The following PTPRM variants were observed in gnomAD, a reference collection of about 807,000 sequenced individuals.
PTPRM encodes protein tyrosine phosphatase receptor type M.
PTPRM carries 47 observed loss-of-function variants against 186.7 expected under a neutral mutation model. The ratio of observed to expected loss-of-function variants is 0.25; its 90% CI spans 0.20 to 0.32. The LOEUF is 0.32. Ranked by LOEUF, PTPRM falls within the 10% of genes least tolerant of loss-of-function variation. The probability of loss-of-function intolerance (pLI) is 1.00; values close to 1 mark genes in which losing one functional copy is unlikely to be tolerated. For missense variants in PTPRM, 1,494 were observed against 1,865.0 expected (o/e 0.80, Z 3.66); for synonymous variants, 668 against 674.9 (o/e 0.99, Z 0.16).
chr18:7,796,934 G>A (rs1383465005), intron 2 of PTPRM, among the ~76,000 whole-genome samples: 1 of 152,144 alleles, frequency 6.6e-6, no homozygotes, highest in South Asian at 2.1e-4. Context: ...TTACCAAGGT[G>A]ACTGTGAACA....
intron 1 of PTPRM, among the ~76,000 whole-genome samples, chr18:7,704,045 G>T (rs990208517): frequency 6.6e-6 from 1 of 152,014 alleles, no homozygotes; most frequent in African/African-American, 2.4e-5. Flanking sequence ...GGTGAATAAG[G>T]TTTTTGATAT....
At chr18:8,362,832 T>C (rs1426547983) in intron 23 of PTPRM, among the ~76,000 whole-genome samples, 2 of 152,224 alleles carry the variant, frequency 1.3e-5, no homozygotes, top group Non-Finnish European at 2.9e-5. Context: ...ATAACAACTC[T>C]CTTAGCCCAT....
chr18:7,751,617 C>T (rs2041219833), intron 1 of PTPRM: 1 of 152,170 alleles, frequency 6.6e-6, no homozygotes, highest in African/African-American at 2.4e-5. Context: ...GGGTAGAAAA[C>T]ATATTCCCTC....
chr18:8,316,880 A>G (rs758129863), intron 21 of PTPRM, among the ~76,000 whole-genome samples: 13 of 152,128 alleles, frequency 8.5e-5, no homozygotes, highest in African/African-American at 2.4e-4. Context: ...GATACCTGGA[A>G]GAAGAGCATT....
intron 13 of PTPRM, among the ~76,000 whole-genome samples, chr18:8,126,027 A>ATATATATATATTTTTTT (rs57751538): frequency 2.0e-4 from 14 of 69,516 alleles, no homozygotes; most frequent in East Asian, 5.5e-4. Context: ...ATATATATAT[A>ATATATATATATTTTTTT]TTTTAAATCA....
intron 1 of PTPRM, among the ~76,000 whole-genome samples, chr18:7,647,116 C>T (rs2038584280): frequency 6.6e-6 from 1 of 152,052 alleles, no homozygotes; most frequent in South Asian, 2.1e-4. Context: ...TTCAGGGTAC[C>T]ATTTTCTTAT....
At chr18:7,857,798 C>T (rs1787219271) in intron 2 of PTPRM, among the ~76,000 whole-genome samples, 1 of 152,152 alleles carries the variant, frequency 6.6e-6, no homozygotes, top group South Asian at 2.1e-4. Flanking sequence ...GAACAAAGCC[C>T]TTGAATACAG....
chr18:8,392,421 G>A (rs759124573), intron 31 of PTPRM, among the ~76,000 whole-genome samples: 1 of 152,086 alleles, frequency 6.6e-6, no homozygotes. Context: ...TCAGGAGATT[G>A]AGACTATCCT....
rs748631407 is a variant in PTPRM, at chr18:7,926,627, A to G, written c.607A>G (p.Thr203Ala). Residue 203 changes from threonine to alanine, a missense_variant, in exon 5 of 33, where the codon ACC becomes GCC. Transcript: ENST00000580170. ...NVEVNAGQFA[T>A]FQCSAIGRTV... ...GGAAGTTAATGCTGGCCAGTTTGCTACCTTCCAGTGCAGTGCCATCGGCAG... is the reference window on the plus strand; with the variant it reads ...GGAAGTTAATGCTGGCCAGTTTGCTGCCTTCCAGTGCAGTGCCATCGGCAG... 3 of 1,613,828 alleles carry G rather than the reference A, an allele frequency of 1.9e-6. No homozygotes were observed. The highest frequency in any genetic ancestry group is 2.5e-6 in the Non-Finnish European group (3 of 1,179,992).
chr18:7,654,205 G>T (rs898772802), intron 1 of PTPRM, among the ~76,000 whole-genome samples: 4 of 152,126 alleles, frequency 2.6e-5, no homozygotes, highest in Admixed American at 2.0e-4. Context: ...CCTTAGAGAT[G>T]CTGGATATTA....
chr18:7,630,984 A>G (rs1941141), intron 1 of PTPRM, among the ~76,000 whole-genome samples: 62,135 of 152,076 alleles, frequency 0.41, 19,645 homozygotes, highest in African/African-American at 0.85. Flanking sequence ...GCCTGTGCCC[A>G]GGATCTGATT....
chr18:8,109,845 G>A (rs186124744), intron 11 of PTPRM, among the ~76,000 whole-genome samples: 1 of 152,136 alleles, frequency 6.6e-6, no homozygotes, highest in East Asian at 1.9e-4. Context: ...AGGTGTGGGG[G>A]GCACATAGAG....
chr18:8,301,993 G>A (rs1403730636), intron 20 of PTPRM, among the ~76,000 whole-genome samples: 1 of 152,216 alleles, frequency 6.6e-6, no homozygotes, highest in African/African-American at 2.4e-5. Flanking sequence ...GCGGGAGTGG[G>A]GTAGGGGCAG....
intron 1 of PTPRM, among the ~76,000 whole-genome samples, chr18:7,714,297 T>C (rs555837145): frequency 6.6e-6 from 1 of 152,128 alleles, no homozygotes; most frequent in Admixed American, 6.5e-5. Flanking sequence ...AAGGCAGAAA[T>C]AAATAAGTTC....
intron 11 of PTPRM, among the ~76,000 whole-genome samples, chr18:8,092,075 C>T (rs897788977): frequency 8.6e-5 from 13 of 151,488 alleles, no homozygotes; most frequent in African/African-American, 1.2e-4. Flanking sequence ...TTTTTTAATC[C>T]GTATTCATTG....
intron 5 of PTPRM, among the ~76,000 whole-genome samples, chr18:7,932,155 G>A (rs2051527358): frequency 6.6e-6 from 1 of 152,202 alleles, no homozygotes; most frequent in South Asian, 2.1e-4. Context: ...AGAAGACGGA[G>A]GTGGGGAGGA....
chr18:8,252,546 A>G lies in PTPRM; in HGVS notation c.2566+47A>G, dbSNP rs1727020352. 9 of 1,517,870 alleles carry G rather than the reference A, an allele frequency of 5.9e-6. No individual in the cohort carries two copies. In the Middle Eastern group the frequency reaches 1.2e-3, roughly 200 times the overall value. The allele number at this position is 1,517,870 out of a possible 1,614,324, so 94.0% of individuals were successfully genotyped here. On this transcript the variant is annotated intron_variant, in intron 18 of 32. Coordinates refer to ENST00000580170, the MANE Select transcript of PTPRM (RefSeq NM_001105244.2). ...ATGGAAGAGTTGTGGAGGGAGTGGGAGTGTGTGTCTTACTGGTAGATTCTG... is the reference window on the plus strand; with the variant it reads ...ATGGAAGAGTTGTGGAGGGAGTGGGGGTGTGTGTCTTACTGGTAGATTCTG...
In PTPRM at chr18:7,641,459, T is replaced by C. The variant is rs371102247; in HGVS notation, c.73+73568T>C. ...TGATTGCTATCACATACTAACAGAA[T>C]GTTTAAGTTCTCTCACTCATGAAAA... On this transcript the variant is annotated intron_variant, in intron 1 of 32. Transcript: ENST00000580170. Among the ~76,000 whole-genome samples, 11 of 152,302 alleles carry C rather than the reference T, an allele frequency of 7.2e-5. No individual in the cohort carries two copies. The South Asian group carries it at 8.3e-4, about 11-fold the overall frequency.
intron 13 of PTPRM, among the ~76,000 whole-genome samples, chr18:8,141,032 A>T (rs946040245): frequency 6.6e-6 from 1 of 152,170 alleles, no homozygotes; most frequent in African/African-American, 2.4e-5. Flanking sequence ...GACAGGTCAT[A>T]ACCAGAACCA....
Sources: allele counts gnomAD v4.1 joint callset (sites outside exome capture counted in the v4.1 genomes callset), GRCh38; gene constraint gnomAD v4.1.1; transcripts MANE v1.5; gene names NCBI Gene and HGNC (gene_info 2026-07-23, HGNC 2026-07-21).